The following SCP2 variants were observed in gnomAD, a reference collection of about 807,000 sequenced individuals.
SCP2 encodes sterol carrier protein 2.
A neutral mutation model predicts 71.4 loss-of-function variants in SCP2; 48 were observed. The observed-to-expected ratio is 0.67, with a 90% CI of 0.53 to 0.86. The LOEUF is 0.86. Ranked by LOEUF, SCP2 falls within the 40% of genes least tolerant of loss-of-function variation. SCP2 has a pLI of 0.00. For synonymous variants in SCP2, 220 were observed against 218.1 expected (o/e 1.01, Z -0.08); for missense variants, 560 against 655.6 (o/e 0.85, Z 1.59).
At chr1:53,048,598 G>T (rs1338069798) in intron 15 of SCP2, 2 of 157,564 alleles carry the variant, frequency 1.3e-5, no homozygotes, top group Non-Finnish European at 2.8e-5. Context: ...TAGGCTGTGA[G>T]TGTCTCAAAG....
intron 5 of SCP2, among the ~76,000 whole-genome samples, chr1:52,960,284 C>G (rs1273901023): frequency 6.6e-6 from 1 of 151,672 alleles, no homozygotes; most frequent in Non-Finnish European, 1.5e-5. Flanking sequence ...TTGATGTTTC[C>G]TTTCTTCTCC....
chr1:53,047,750 C>A lies in SCP2; in HGVS notation c.1469-108C>A. The A allele has an allele frequency of 3.9e-6, 3 of 771,768 alleles. 1 individual carries two copies. In the South Asian group the frequency reaches 4.2e-5, roughly 11 times the overall value. The allele number at this position is 771,768 out of a possible 1,614,324, so 47.8% of individuals were successfully genotyped here. ...TGTGAGTGCCCATTTCCCCACACTG[C>A]CTCAGTGCTGGTTATAATTCTGTTG... On this transcript the variant is annotated intron_variant, in intron 14 of 15. Transcript: ENST00000371514.
At chr1:52,987,006 A>ATATATATTTTTTTTTT (rs1386745740) in intron 10 of SCP2, among the ~76,000 whole-genome samples, 7 of 110,488 alleles carry the variant, frequency 6.3e-5, no homozygotes, top group African/African-American at 2.8e-4. Context: ...ATATATATAT[A>ATATATATTTTTTTTTT]TTTTTTTTTT....
Position 52,980,518 on chromosome 1 carries a change from T to C in SCP2, c.948T>C (p.Tyr316=), listed in dbSNP as rs1477657613. 4 of 1,613,890 alleles carry C rather than the reference T, an allele frequency of 2.5e-6. No homozygotes were observed. The highest frequency in any genetic ancestry group is 2.7e-5 in the African/African-American group (2 of 74,932). Residue 316 remains tyrosine (Y), a synonymous_variant, in exon 10 of 16, where the codon TAT becomes TAC. Coordinates refer to ENST00000371514, the MANE Select transcript of SCP2 (RefSeq NM_002979.5). ...TTTCTACCAACGAACTCCTTACTTATGAAGCACTGGGACTCTGTCCAGAAG... is the reference window on the plus strand; with the variant it reads ...TTTCTACCAACGAACTCCTTACTTACGAAGCACTGGGACTCTGTCCAGAAG... The part of the protein sequence containing the change: ...DCFSTNELLT[Y]EALGLCPEGQ...
At position 52,980,529 on chromosome 1, in the gene SCP2, G is replaced by A. The variant is rs572171146; in HGVS notation, c.959G>A (p.Gly320Glu). ...GAACTCCTTACTTATGAAGCACTGG[G>A]ACTCTGTCCAGAAGGTAACATCTTT... The part of the protein sequence containing the change: ...TNELLTYEAL[G>E]LCPEGQGATL... Residue 320 changes from glycine to glutamate, a missense_variant, in exon 10 of 16, where the codon GGA becomes GAA. Around this residue, in one of 3 missense-constraint regions of SCP2, gnomAD observed 513 missense variants for 573.1 expected, o/e 0.90. Transcript: ENST00000371514. 6.2e-7 allele frequency: 1 copy of A among 1,613,908 alleles called. No individual in the cohort carries two copies. Among genetic ancestry groups the A allele is most frequent in the East Asian group, 2.2e-5 (1 of 44,870 alleles).
chr1:52,948,803 T>C (rs1475878537), intron 3 of SCP2, among the ~76,000 whole-genome samples: 1 of 152,170 alleles, frequency 6.6e-6, no homozygotes, highest in Non-Finnish European at 1.5e-5. Context: ...TATGTATATA[T>C]TGTATAATAA....
chr1:52,961,251 G>A (rs988074640), intron 5 of SCP2, among the ~76,000 whole-genome samples: 3 of 151,214 alleles, frequency 2.0e-5, no homozygotes, highest in African/African-American at 7.3e-5. Flanking sequence ...CAACAGGATG[G>A]AATAGTTACT....
chr1:53,021,369 T>TGCA, intron 12 of SCP2, among the ~76,000 whole-genome samples: 1 of 145,060 alleles, frequency 6.9e-6, no homozygotes, highest in Non-Finnish European at 1.5e-5. Flanking sequence ...CAGGCTGGAG[T>TGCA]GCAGTTGCGC....
intron 4 of SCP2, among the ~76,000 whole-genome samples, chr1:52,954,406 T>C (rs1655611818): frequency 6.6e-6 from 1 of 152,188 alleles, no homozygotes; most frequent in Non-Finnish European, 1.5e-5. Context: ...AATTGGCTTA[T>C]TTATTTAGAG....
intron 6 of SCP2, among the ~76,000 whole-genome samples, chr1:52,968,435 T>C (rs971557108): frequency 2.0e-5 from 3 of 152,210 alleles, no homozygotes; most frequent in Non-Finnish European, 4.4e-5. Flanking sequence ...TTTATTCTTA[T>C]TTTTAGTTTT....
chr1:53,002,611 T>A (rs1490602976), intron 11 of SCP2, among the ~76,000 whole-genome samples: 2 of 152,224 alleles, frequency 1.3e-5, no homozygotes, highest in Non-Finnish European at 2.9e-5. Context: ...ATTTGATGAA[T>A]TCATAGATCC....
At chr1:52,962,280 A>G (rs1002399779) in intron 6 of SCP2, among the ~76,000 whole-genome samples, 3 of 152,134 alleles carry the variant, frequency 2.0e-5, no homozygotes, top group Admixed American at 6.5e-5. Flanking sequence ...TACATTCAAT[A>G]TATCAGCAAG....
At chr1:52,982,541 G>C (rs766363900) in intron 10 of SCP2, among the ~76,000 whole-genome samples, 38 of 152,098 alleles carry the variant, frequency 2.5e-4, no homozygotes, top group Admixed American at 7.2e-4. Flanking sequence ...CTGCACTCCA[G>C]CCTGGGTGAC....
chr1:52,949,225 G>A (rs908753309), intron 3 of SCP2, among the ~76,000 whole-genome samples: 3 of 152,118 alleles, frequency 2.0e-5, no homozygotes, highest in Non-Finnish European at 2.9e-5. Context: ...GAAGGGAAAC[G>A]TACTGGGTTA....
chr1:52,928,108 C>T (rs1652692825), intron 1 of SCP2, among the ~76,000 whole-genome samples: 1 of 152,244 alleles, frequency 6.6e-6, no homozygotes, highest in South Asian at 2.1e-4. Context: ...AACTTTTGTG[C>T]ATCCTGAAAG....
rs192430893 is a variant in SCP2, at chr1:52,947,822, A to G, written c.128-187A>G. On this transcript the variant is annotated intron_variant, in intron 2 of 15. Transcript: ENST00000371514. The stretch of plus-strand genomic sequence containing the variant: ...AGGAGATACGGAAAAGTGATGCAGT[A>G]GCTTAGAGGAAAAAATGATTACTTC... Among the ~76,000 whole-genome samples the G allele has an allele frequency of 7.4e-4, 112 of 152,362 alleles. 1 individual carries two copies. Among genetic ancestry groups the G allele is most frequent in the African/African-American group, 2.3e-3 (96 of 41,598 alleles).
At chr1:53,030,908 T>TA (rs59298380) in intron 13 of SCP2, among the ~76,000 whole-genome samples, 2,319 of 75,914 alleles carry the variant, frequency 0.031, 59 homozygotes, top group African/African-American at 0.062. Flanking sequence ...TCAAAAAAAT[T>TA]AAAAAAAAAA....
intron 6 of SCP2, among the ~76,000 whole-genome samples, chr1:52,964,621 A>G (rs558236619): frequency 2.0e-5 from 3 of 152,382 alleles, no homozygotes; most frequent in African/African-American, 7.2e-5. Flanking sequence ...AAATAGTACA[A>G]GAATTCCTAA....
At chr1:53,046,990 A>C (rs574494696) in intron 14 of SCP2, among the ~76,000 whole-genome samples, 5 of 152,360 alleles carry the variant, frequency 3.3e-5, no homozygotes, top group African/African-American at 1.2e-4. Flanking sequence ...AGAGTCACAC[A>C]AGGCTACAGT....
Sources: allele counts gnomAD v4.1 joint callset (sites outside exome capture counted in the v4.1 genomes callset), GRCh38; gene constraint gnomAD v4.1.1; regional missense constraint gnomAD v4.1.1; transcripts MANE v1.5; gene names NCBI Gene and HGNC (gene_info 2026-07-23, HGNC 2026-07-21).